Variants in ITGA9 observed in about 807,000 individuals in gnomAD.
ITGA9 encodes the protein integrin alpha-9.
ITGA9 carries 56 observed loss-of-function variants against 127.8 expected under a neutral mutation model. The observed-to-expected ratio is 0.44, with a 90% CI of 0.35 to 0.55. The LOEUF is 0.55. Ranked by LOEUF, ITGA9 falls within the 20% of genes least tolerant of loss-of-function variation. The pLI is 0.00. For synonymous variants in ITGA9, 508 were observed against 514.5 expected (o/e 0.99, Z 0.17); for missense variants, 1,196 against 1,347.1 (o/e 0.89, Z 1.76).
chr3:37,773,540 A>G (rs1327226496), intron 23 of ITGA9, among the ~76,000 whole-genome samples: 1 of 152,228 alleles, frequency 6.6e-6, no homozygotes, highest in Non-Finnish European at 1.5e-5. Context: ...ATATAGGGCA[A>G]GCCCCAAATA....
intron 17 of ITGA9, among the ~76,000 whole-genome samples, chr3:37,676,109 A>G (rs1466760415): frequency 3.3e-5 from 5 of 152,240 alleles, no homozygotes; most frequent in Admixed American, 2.0e-4. Flanking sequence ...AAGCAGTAAC[A>G]TAAGCAAGTA....
At chr3:37,689,321 G>C (rs1700809650) in intron 18 of ITGA9, among the ~76,000 whole-genome samples, 1 of 152,216 alleles carries the variant, frequency 6.6e-6, no homozygotes, top group Non-Finnish European at 1.5e-5. Context: ...GGTACACATG[G>C]ATGACCATCT....
chr3:37,752,844 T>A (rs1486290623), intron 23 of ITGA9, among the ~76,000 whole-genome samples: 1 of 152,036 alleles, frequency 6.6e-6, no homozygotes, highest in African/African-American at 2.4e-5. Flanking sequence ...GTGTCTGGCT[T>A]ATATATGGGA....
intron 20 of ITGA9, among the ~76,000 whole-genome samples, chr3:37,737,718 A>T (rs1235917021): frequency 6.6e-6 from 1 of 152,060 alleles, no homozygotes; most frequent in Admixed American, 6.5e-5. Context: ...ACAAGCTTTG[A>T]TTGGGGTGGT....
At chr3:37,513,953 C>T in intron 9 of ITGA9, 53 bp downstream of exon 9, 3 of 1,609,484 alleles carry the variant, frequency 1.9e-6, no homozygotes. Context: ...GGACATTTGT[C>T]CAGCCAGCAG....
chr3:37,513,941 AG>A (rs762047363), intron 9 of ITGA9, 41 bp downstream of exon 9: 1 of 1,610,926 alleles, frequency 6.2e-7, no homozygotes, highest in Admixed American at 1.7e-5. Context: ...GGTGTGGGGG[AG>A]GGACATTTGT....
chr3:37,609,708 C>G (rs1022055869), intron 15 of ITGA9, among the ~76,000 whole-genome samples: 3 of 152,206 alleles, frequency 2.0e-5, no homozygotes, highest in African/African-American at 7.2e-5. Flanking sequence ...TGGCTGGTCT[C>G]TGCTCCATGA....
At chr3:37,601,578 G>A (rs1444027151) in intron 15 of ITGA9, among the ~76,000 whole-genome samples, 1 of 152,182 alleles carries the variant, frequency 6.6e-6, no homozygotes, top group African/African-American at 2.4e-5. Flanking sequence ...CAACTTACAT[G>A]TAGACATTTT....
At chr3:37,646,077 C>A (rs1448670636) in intron 16 of ITGA9, among the ~76,000 whole-genome samples, 1 of 152,094 alleles carries the variant, frequency 6.6e-6, no homozygotes, top group African/African-American at 2.4e-5. Flanking sequence ...TCATTGAAAT[C>A]TTTTTTTTCC....
In ITGA9 at chr3:37,799,664, G is replaced by A. The variant is rs565589077; in HGVS notation, c.2890-4159G>A. ...GATACTGTAAACCGAGAAGTGACAT[G>A]ATGAGACCTGTGCCTTAGAAAAACA... On this transcript the variant is annotated intron_variant, in intron 26 of 27. Transcript: ENST00000264741. This position sits in a 1 kb window ranked among gnomAD's most constrained non-coding sequence, Gnocchi z 4.0. Among the ~76,000 whole-genome samples the A allele has an allele frequency of 6.6e-6, 1 of 152,316 alleles. No homozygotes were observed. Among genetic ancestry groups the A allele is most frequent in the South Asian group, 2.1e-4 (1 of 4,824 alleles).
chr3:37,746,232 A>G (rs1307048679), intron 22 of ITGA9, among the ~76,000 whole-genome samples: 2 of 152,228 alleles, frequency 1.3e-5, no homozygotes, highest in Non-Finnish European at 2.9e-5. Context: ...GACTTTCCAT[A>G]TGAACAGATT....
intron 24 of ITGA9, among the ~76,000 whole-genome samples, chr3:37,778,495 G>A (rs1696933988): frequency 6.6e-6 from 1 of 152,010 alleles, no homozygotes; most frequent in African/African-American, 2.4e-5. Flanking sequence ...GTGGGCGCCT[G>A]TAATCCCAGC....
chr3:37,683,283 G>A (rs983621523), intron 17 of ITGA9, among the ~76,000 whole-genome samples: 4 of 152,278 alleles, frequency 2.6e-5, no homozygotes, highest in African/African-American at 9.6e-5. Flanking sequence ...CTTCGGGTTT[G>A]TACTGAGAAG....
intron 26 of ITGA9, among the ~76,000 whole-genome samples, chr3:37,796,790 T>C (rs758571356): frequency 2.5e-4 from 38 of 152,206 alleles, no homozygotes; most frequent in Non-Finnish European, 4.4e-4. Flanking sequence ...TATTCATGAA[T>C]CATATAATGA....
At chr3:37,575,028 T>C (rs1699639626) in intron 15 of ITGA9, among the ~76,000 whole-genome samples, 1 of 152,136 alleles carries the variant, frequency 6.6e-6, no homozygotes, top group African/African-American at 2.4e-5. Context: ...TCAAGGGTAA[T>C]AGGGTGGGAG....
chr3:37,633,458 T>C (rs930300230), intron 16 of ITGA9, among the ~76,000 whole-genome samples: 1 of 152,196 alleles, frequency 6.6e-6, no homozygotes, highest in Non-Finnish European at 1.5e-5. Flanking sequence ...TGGGCAAAAG[T>C]CATCTAACAC....
chr3:37,458,192 C>A (rs139087640), intron 1 of ITGA9, among the ~76,000 whole-genome samples: 33 of 152,272 alleles, frequency 2.2e-4, no homozygotes, highest in African/African-American at 7.2e-4. Flanking sequence ...TGAGTGGTTT[C>A]CAGTTTGCTA....
intron 6 of ITGA9, among the ~76,000 whole-genome samples, chr3:37,504,156 G>A (rs191904094): frequency 2.0e-5 from 3 of 152,204 alleles, no homozygotes; most frequent in African/African-American, 7.2e-5. Context: ...TTTTTTGCCT[G>A]GTAGCATAGA....
intron 18 of ITGA9, among the ~76,000 whole-genome samples, chr3:37,717,055 T>A (rs565863632): frequency 6.6e-6 from 1 of 152,252 alleles, no homozygotes; most frequent in African/African-American, 2.4e-5. Flanking sequence ...TGCTCCTTCC[T>A]GTCCTCGTGG....
Sources: allele counts gnomAD v4.1 joint callset (sites outside exome capture counted in the v4.1 genomes callset), GRCh38; gene constraint gnomAD v4.1.1; non-coding constraint Gnocchi (gnomAD v3.1); transcripts MANE v1.5; gene names NCBI Gene and HGNC (gene_info 2026-07-23, HGNC 2026-07-21).